Variants in C2CD3 observed in about 807,000 individuals in gnomAD.
C2CD3 encodes C2 domain containing 3 centriole elongation regulator.
C2CD3 carries 148 observed loss-of-function variants against 234.0 expected under a neutral mutation model. The observed-to-expected ratio is 0.63, with a 90% CI of 0.55 to 0.72. The LOEUF (loss-of-function observed/expected upper bound fraction) is 0.72. C2CD3 is among the 30% of genes least tolerant of loss of function. The pLI, the probability that C2CD3 is intolerant of heterozygous loss-of-function variation, is 0.00. For synonymous variants in C2CD3, 1,000 were observed against 1,035.4 expected, an observed-to-expected ratio of 0.97 and a Z score of 0.66; for missense variants, 2,577 against 2,811.5, an observed-to-expected ratio of 0.92 and a Z score of 1.89.
At chr11:74,097,587 A>G (rs988677249) in intron 16 of C2CD3, among the ~76,000 whole-genome samples, 1 of 152,248 alleles carries the variant, frequency 6.6e-6, no homozygotes, top group African/African-American at 2.4e-5. Flanking sequence ...TCAACTGGAC[A>G]GCACCATACA....
chr11:74,017,991 G>A (rs1951939176), intron 32 of C2CD3, among the ~76,000 whole-genome samples: 9 of 152,186 alleles, frequency 5.9e-5, no homozygotes. Context: ...GACAGGCAAT[G>A]GAGTGCAGTG....
Position 74,113,854 on chromosome 11 carries a change from G to A in C2CD3, c.1769C>T (p.Ser590Leu), listed in dbSNP as rs1272448828. Residue 590 changes from serine (S) to leucine (L), a missense_variant, in exon 11 of 33, where the codon TCG (serine) becomes TTG (leucine). Physicochemically the swap from Ser to Leu is moderately radical, Grantham distance 145. Transcript: ENST00000334126. ...AGCTGTCTTTCCCAATCCGCTTTCC[G>A]AAAAGCCCACAGGAAAGTGATATTC... is the stretch of plus-strand genomic sequence containing the variant. ...FVEYHFPVGF[S>L]ESGLGKTALI... The A allele has an allele frequency of 6.2e-6, 10 of 1,605,600 alleles. No homozygotes were observed. The highest frequency in any genetic ancestry group is 4.5e-5 in the South Asian group (4 of 88,396).
At chr11:74,115,705 C>T (rs1453405612) in intron 9 of C2CD3, among the ~76,000 whole-genome samples, 3 of 152,132 alleles carry the variant, frequency 2.0e-5, no homozygotes, top group Non-Finnish European at 4.4e-5. Flanking sequence ...GGAGGCATCA[C>T]ATTACCTGAC....
At chr11:74,164,449 G>GT (rs1342833338) in intron 2 of C2CD3, among the ~76,000 whole-genome samples, 6 of 152,210 alleles carry the variant, frequency 3.9e-5, no homozygotes, top group Admixed American at 3.9e-4. Context: ...TACAATAGAA[G>GT]TATCAATAAT....
chr11:74,036,970 C>G (rs999458750), intron 30 of C2CD3, among the ~76,000 whole-genome samples: 1 of 152,188 alleles, frequency 6.6e-6, no homozygotes, highest in Non-Finnish European at 1.5e-5. Flanking sequence ...AGAACCACTG[C>G]TCCAAAGGGG....
chr11:74,099,671 C>T (rs993914541), intron 15 of C2CD3, among the ~76,000 whole-genome samples: 6 of 151,958 alleles, frequency 3.9e-5, no homozygotes, highest in African/African-American at 1.4e-4. Flanking sequence ...CTGAGGCGGG[C>T]GGATCATGAG....
intron 20 of C2CD3, among the ~76,000 whole-genome samples, chr11:74,087,400 C>T (rs1385765705): frequency 1.3e-5 from 2 of 152,022 alleles, no homozygotes; most frequent in South Asian, 2.1e-4. Context: ...CCCATCTCTA[C>T]TAAAAATACA....
At chr11:74,033,315 G>T in intron 31 of C2CD3, 36 bp downstream of exon 31, 1 of 1,515,574 alleles carries the variant, frequency 6.6e-7, no homozygotes, top group Non-Finnish European at 8.8e-7. Flanking sequence ...CTAAGTACCT[G>T]CATCCAAACC....
At chr11:74,151,845 A>G (rs1855687494) in intron 3 of C2CD3, among the ~76,000 whole-genome samples, 1 of 152,186 alleles carries the variant, frequency 6.6e-6, no homozygotes, top group South Asian at 2.1e-4. Flanking sequence ...GATGTGAAAG[A>G]AAATGTGACT....
Position 74,094,092 on chromosome 11 carries a change from T to C in C2CD3, c.3161-93A>G, listed in dbSNP as rs565375621. The C allele has an allele frequency of 9.7e-6, 10 of 1,027,786 alleles. No individual in the cohort carries two copies. The African/African-American group carries it at 1.4e-4, about 15-fold the overall frequency. 63.7% of individuals were successfully genotyped at this position (1,027,786 alleles called of 1,614,324 possible). On this transcript the variant is annotated intron_variant, in intron 17 of 32. Coordinates refer to ENST00000334126, the MANE Select transcript of C2CD3 (RefSeq NM_001286577.2). The stretch of plus-strand genomic sequence containing the variant: ...TCTTCCAGTGAATATTACTTAGTAA[T>C]TCCCTAGTAGTTATGGTTCCCTAAG...
intron 3 of C2CD3, chr11:74,142,447 A>C (rs1854870412): frequency 6.6e-6 from 1 of 152,238 alleles, no homozygotes; most frequent in Non-Finnish European, 1.5e-5. Context: ...AAACATGAAT[A>C]TGTGGGCTAA....
At chr11:74,015,785 T>C (rs1951856757) in intron 32 of C2CD3, among the ~76,000 whole-genome samples, 1 of 151,870 alleles carries the variant, frequency 6.6e-6, no homozygotes, top group Admixed American at 6.6e-5. Context: ...AAAAGACCTC[T>C]GTTGGGCTGG....
At position 74,161,618 on chromosome 11, in the gene C2CD3, G is replaced by A. The variant is rs1048730842; in HGVS notation, c.326-62C>T. ...TTACTTTTATTTTCTTTTTTAAGAC[G>A]TGGGTAGAGGGGTATATGCGGAAAA... is the stretch of plus-strand genomic sequence containing the variant. On this transcript the variant is annotated intron_variant, in intron 2 of 32. Coordinates refer to ENST00000334126, the MANE Select transcript of C2CD3 (RefSeq NM_001286577.2). 6.8e-6 allele frequency: 8 copies of A among 1,169,232 alleles called. No individual in the cohort carries two copies. The African/African-American group carries it at 7.9e-5, about 12-fold the overall frequency. 72.4% of individuals were successfully genotyped at this position (1,169,232 alleles called of 1,614,324 possible). A position where few individuals can be genotyped will look rare whatever the true frequency, so the allele number is the denominator to read the frequency against.
intron 32 of C2CD3, among the ~76,000 whole-genome samples, chr11:74,023,433 C>T (rs1016737831): frequency 2.0e-5 from 3 of 152,224 alleles, no homozygotes; most frequent in African/African-American, 7.2e-5. Flanking sequence ...GGGCTCCTGC[C>T]CTTGCCTCAC....
chr11:74,114,978 A>T (rs1956875646), intron 9 of C2CD3, among the ~76,000 whole-genome samples: 1 of 152,148 alleles, frequency 6.6e-6, no homozygotes, highest in African/African-American at 2.4e-5. Flanking sequence ...CTGGGATTAC[A>T]GGTGTGAACA....
chr11:74,140,877 T>C (rs1303624777), intron 3 of C2CD3, among the ~76,000 whole-genome samples: 2 of 152,158 alleles, frequency 1.3e-5, no homozygotes, highest in Non-Finnish European at 2.9e-5. Context: ...TTCCTTATCA[T>C]CTCCTTCCTG....
chr11:74,034,585 G>T (rs750789549), intron 30 of C2CD3: 6 of 1,613,748 alleles, frequency 3.7e-6, no homozygotes, highest in Non-Finnish European at 5.1e-6. Context: ...GCATGTTCAT[G>T]CTTCCAGTTA....
At chr11:74,045,577 CTTT>C (rs5792642) in intron 28 of C2CD3, among the ~76,000 whole-genome samples, 1 of 144,576 alleles carries the variant, frequency 6.9e-6, no homozygotes, top group Non-Finnish European at 1.5e-5. Context: ...TTTTTCTTTC[CTTT>C]TTTTTTTGGC....
At chr11:74,103,653 A>G (rs750861487) in intron 13 of C2CD3, 28 bp from the exon 14 acceptor site, 7 of 1,576,666 alleles carry the variant, frequency 4.4e-6, no homozygotes, top group South Asian at 1.1e-5. Flanking sequence ...AGAAGAGTCA[A>G]TAAGAATGTC....
Sources: allele counts gnomAD v4.1 joint callset (sites outside exome capture counted in the v4.1 genomes callset), GRCh38; gene constraint gnomAD v4.1.1; transcripts MANE v1.5; gene names NCBI Gene and HGNC (gene_info 2026-07-23, HGNC 2026-07-21).